IGF2BP1: variants seen among roughly 807,000 people sequenced by gnomAD.
The protein encoded by IGF2BP1 is insulin-like growth factor 2 mRNA-binding protein 1.
A neutral mutation model predicts 74.9 loss-of-function variants in IGF2BP1; 11 were observed. The ratio of observed to expected loss-of-function variants is 0.15; its 90% CI spans 0.09 to 0.24. The LOEUF (loss-of-function observed/expected upper bound fraction) is 0.24. Among genes scored for constraint, IGF2BP1 ranks in the 10% least tolerant of loss-of-function variants. The pLI is 1.00. For synonymous variants in IGF2BP1, 287 were observed against 281.8 expected (o/e 1.02, Z -0.18); for missense variants, 440 against 757.4 (o/e 0.58, Z 4.92).
At position 49,038,666 on chromosome 17, in the gene IGF2BP1, G is replaced by A. The variant is rs144289617; in HGVS notation, c.683+217G>A. 1.5e-3 allele frequency among the ~76,000 whole-genome samples: 223 copies of A among 152,200 alleles called. 2 individuals are homozygous for A. Among genetic ancestry groups the A allele is most frequent in the African/African-American group, 5.2e-3 (214 of 41,524 alleles). On this transcript the variant is annotated intron_variant, in intron 6 of 14. Transcript: ENST00000290341. ...GTCTGGGGTGCTAGGCCACACACTC[G>A]TATTAGCAAGAGAGATTCTATAATT... is the stretch of plus-strand genomic sequence containing the variant.
intron 4 of IGF2BP1, among the ~76,000 whole-genome samples, chr17:49,029,215 T>G (rs1305419639): frequency 6.6e-6 from 1 of 152,104 alleles, no homozygotes; most frequent in East Asian, 1.9e-4. Flanking sequence ...AAGGCAGAGG[T>G]TTTGTTGGTT....
intron 2 of IGF2BP1, among the ~76,000 whole-genome samples, chr17:49,018,529 G>T (rs2041737086): frequency 6.6e-6 from 1 of 152,118 alleles, no homozygotes; most frequent in South Asian, 2.1e-4. Context: ...GGGTTAGGGA[G>T]TGTGCCTTTA....
At chr17:49,000,569 G>T (rs1182795346) in intron 2 of IGF2BP1, among the ~76,000 whole-genome samples, 1 of 152,186 alleles carries the variant, frequency 6.6e-6, no homozygotes, top group Non-Finnish European at 1.5e-5. Context: ...CTGGAGATGT[G>T]TCTAAGGAAC....
intron 2 of IGF2BP1, among the ~76,000 whole-genome samples, chr17:48,999,431 C>G (rs1291683471): frequency 6.6e-6 from 1 of 151,898 alleles, no homozygotes; most frequent in African/African-American, 2.4e-5. Flanking sequence ...GAAAGAAAAT[C>G]AATAGGGGAG....
chr17:49,021,041 G>C (rs1269408497), intron 2 of IGF2BP1, among the ~76,000 whole-genome samples: 1 of 151,856 alleles, frequency 6.6e-6, no homozygotes, highest in Non-Finnish European at 1.5e-5. Flanking sequence ...TGCTCAGGGG[G>C]CTGAGGTGGG....
chr17:49,000,700 C>T (rs1358789637), intron 2 of IGF2BP1, among the ~76,000 whole-genome samples: 1 of 151,984 alleles, frequency 6.6e-6, no homozygotes, highest in Non-Finnish European at 1.5e-5. Context: ...TTCTTTTGCT[C>T]TTGAGGATGG....
chr17:49,021,525 C>T (rs1029743389), intron 2 of IGF2BP1, among the ~76,000 whole-genome samples: 3 of 152,144 alleles, frequency 2.0e-5, no homozygotes, highest in Non-Finnish European at 4.4e-5. Context: ...CCCACGTGCC[C>T]CACCCCTGGC....
chr17:49,023,394 T>A (rs943710335), intron 2 of IGF2BP1, among the ~76,000 whole-genome samples: 1 of 152,190 alleles, frequency 6.6e-6, no homozygotes, highest in Non-Finnish European at 1.5e-5. Flanking sequence ...GGATGAAGAC[T>A]CTCCACATTT....
At chr17:49,040,175 A>G in intron 7 of IGF2BP1, 84 bp downstream of exon 7, 1 of 1,421,178 alleles carries the variant, frequency 7.0e-7, no homozygotes, top group East Asian at 2.3e-5. Context: ...TTTTATACAG[A>G]CATATAAGAA....
chr17:49,047,128 A>C (rs1156395264), intron 14 of IGF2BP1, among the ~76,000 whole-genome samples: 1 of 152,210 alleles, frequency 6.6e-6, no homozygotes, highest in East Asian at 1.9e-4. Flanking sequence ...CTGCTAGAGC[A>C]ATTGGGGCAA....
chr17:49,032,502 T>C (rs2041936047), intron 5 of IGF2BP1, among the ~76,000 whole-genome samples: 1 of 152,168 alleles, frequency 6.6e-6, no homozygotes, highest in Non-Finnish European at 1.5e-5. Context: ...AGCCCTTTGA[T>C]TGAGCAATTA....
rs148736066 is a variant in IGF2BP1, at chr17:49,026,398, T to C, written c.286-68T>C. The C allele has an allele frequency of 1.0e-5, 14 of 1,396,062 alleles. No individual in the cohort carries two copies. In the African/African-American group the frequency reaches 2.0e-4, roughly 20 times the overall value. 86.5% of individuals were successfully genotyped at this position (1,396,062 alleles called of 1,614,324 possible). On this transcript the variant is annotated intron_variant, in intron 3 of 14. Transcript: ENST00000290341. ...CCCGATTGCTTTGGGATGCAGGGTG[T>C]CCAGTGGCTGCTTTGCAAGGGTCTT...
chr17:48,996,589 C>T (rs1057049015), upstream of IGF2BP1: 1 of 152,404 alleles, frequency 6.6e-6, no homozygotes, highest in African/African-American at 2.4e-5. Context: ...GCTATCACTC[C>T]TCTTCCTTGT....
intron 4 of IGF2BP1, among the ~76,000 whole-genome samples, chr17:49,031,095 A>G (rs2041916205): frequency 6.6e-6 from 1 of 152,290 alleles, no homozygotes; most frequent in Admixed American, 6.5e-5. Context: ...GAAATTACAA[A>G]AAGCAAGAAG....
chr17:48,998,304 C>A (rs549850996), intron 1 of IGF2BP1, among the ~76,000 whole-genome samples: 3 of 152,256 alleles, frequency 2.0e-5, no homozygotes, highest in African/African-American at 4.8e-5. Flanking sequence ...TGGACGCCCC[C>A]CCAGCTGGAA....
chr17:49,025,811 C>A, intron 3 of IGF2BP1, 145 bp downstream of exon 3: 1 of 528,420 alleles, frequency 1.9e-6, no homozygotes, highest in Non-Finnish European at 3.4e-6. Context: ...TTCTTTTTTT[C>A]TTTTTGAGTC....
chr17:49,028,893 C>T (rs542440655), intron 4 of IGF2BP1, among the ~76,000 whole-genome samples: 18 of 152,222 alleles, frequency 1.2e-4, no homozygotes, highest in Middle Eastern at 3.4e-3. Context: ...TTGCAACCTC[C>T]GCCTCCTGGG....
In IGF2BP1 at chr17:49,053,074, G is replaced by C. The variant is rs1028675439; in HGVS notation, c.*3630G>C. On this transcript the variant is annotated 3_prime_UTR_variant, in exon 15 of 15. Coordinates refer to ENST00000290341, the MANE Select transcript of IGF2BP1 (RefSeq NM_006546.4). ...AGGAGAGAGCCATTTTTAAGGACAG[G>C]GAGTTTTATAGCCCTTTTCTACTTT... is the stretch of plus-strand genomic sequence containing the variant. 6 of 152,048 alleles carry C rather than the reference G, an allele frequency of 3.9e-5. No homozygotes were observed. Among genetic ancestry groups the C allele is most frequent in the Admixed American group, 2.6e-4 (4 of 15,264 alleles). 9.4% of individuals were successfully genotyped at this position (152,048 alleles called of 1,614,324 possible).
In IGF2BP1 at chr17:49,010,504, G is replaced by T. The variant is rs886803062; in HGVS notation, c.236+11335G>T. Among the ~76,000 whole-genome samples the T allele has an allele frequency of 2.0e-5, 3 of 151,792 alleles. No homozygotes were observed. The East Asian group carries it at 5.8e-4, about 30-fold the overall frequency. On this transcript the variant is annotated intron_variant, in intron 2 of 14. Coordinates refer to ENST00000290341, the MANE Select transcript of IGF2BP1 (RefSeq NM_006546.4). ...GGCTACTTTTTGTATTTTTAGTAGA[G>T]ACGGGGTTTCACTGTGTCAGCCAGG...
Sources: gnomAD v4.1 joint callset for allele counts (sites outside exome capture counted in the v4.1 genomes callset) on GRCh38, gnomAD v4.1.1 for gene constraint, MANE v1.5 for transcripts, NCBI Gene and HGNC (gene_info 2026-07-23, HGNC 2026-07-21) for gene names.